Variants in SIRT1 observed in about 807,000 individuals in gnomAD.
SIRT1 encodes the protein NAD-dependent protein deacetylase sirtuin-1.
SIRT1 carries 24 observed loss-of-function variants against 67.9 expected under a neutral mutation model. The ratio of observed to expected loss-of-function variants is 0.35; its 90% CI spans 0.26 to 0.50. The LOEUF (loss-of-function observed/expected upper bound fraction) is 0.50, where lower values mean the gene tolerates loss of function less well. Among genes scored for constraint, SIRT1 ranks in the 20% least tolerant of loss-of-function variants. SIRT1 has a pLI of 0.98. For missense variants in SIRT1, 873 were observed against 937.2 expected, an observed-to-expected ratio of 0.93 and a Z score of 0.89; for synonymous variants, 378 against 350.7, an observed-to-expected ratio of 1.08 and a Z score of -0.87.
rs1430302864 is a variant in SIRT1, at chr10:67,889,138, T to C, written c.789+15T>C. 2.5e-6 allele frequency: 4 copies of C among 1,579,292 alleles called. No homozygotes were observed. In the South Asian group the frequency reaches 3.4e-5, roughly 14 times the overall value. ...CTGGAGCTGGGGTATGTAAGACTAG[T>C]ACATGGGGAGGTCGTATATGTATTT... On this transcript the variant is annotated intron_variant, in intron 3 of 8. Transcript: ENST00000212015.
intron 2 of SIRT1, 102 bp downstream of exon 2, chr10:67,887,635 G>A: frequency 2.8e-6 from 2 of 723,566 alleles, no homozygotes; most frequent in Non-Finnish European, 2.3e-6. Context: ...GGAGTGCAAT[G>A]GCGCGATCTC....
At chr10:67,909,192 G>T in intron 6 of SIRT1, 64 bp from the exon 7 acceptor site, 3 of 1,077,388 alleles carry the variant, frequency 2.8e-6, no homozygotes, top group Admixed American at 2.6e-5. Flanking sequence ...TGGAAATGTT[G>T]ACTATTTCTA....
In SIRT1 at chr10:67,895,631, T is replaced by C. The variant is rs572994592; in HGVS notation, c.942+4077T>C. On this transcript the variant is annotated intron_variant, in intron 4 of 8. Coordinates refer to ENST00000212015, the MANE Select transcript of SIRT1 (RefSeq NM_012238.5). Reference sequence around the variant, plus strand: ...ATGAAAAGGAAATATTGGTGAAATTTAGATACTTCAGAAGGAAAGAGAGAC... The same window carrying C: ...ATGAAAAGGAAATATTGGTGAAATTCAGATACTTCAGAAGGAAAGAGAGAC... Among the ~76,000 whole-genome samples the C allele has an allele frequency of 7.9e-5, 12 of 151,510 alleles. No individual in the cohort carries two copies. The East Asian group carries it at 2.3e-3, about 29-fold the overall frequency.
intron 8 of SIRT1, among the ~76,000 whole-genome samples, chr10:67,914,782 A>G (rs892118777): frequency 1.1e-4 from 16 of 149,130 alleles, no homozygotes; most frequent in African/African-American, 4.0e-4. Context: ...ATCTCGGTTC[A>G]CGGCAACCTC....
rs534168657 is a variant in SIRT1 at position 67,887,640 on chromosome 10, G to C, written c.547+107G>C. 8 of 671,826 alleles carry C rather than the reference G, an allele frequency of 1.2e-5. No homozygotes were observed. The East Asian group carries it at 1.5e-4, about 13-fold the overall frequency. 41.6% of individuals were successfully genotyped at this position (671,826 alleles called of 1,614,324 possible). On this transcript the variant is annotated intron_variant, in intron 2 of 8. Coordinates refer to ENST00000212015, the MANE Select transcript of SIRT1 (RefSeq NM_012238.5). ...TGCGGAGGCTGGAGTGCAATGGCGC[G>C]ATCTCGGCTCACCGTACCCTCCGCC...
At position 67,887,423 on chromosome 10, in the gene SIRT1, T is replaced by C. The variant is rs772106776; in HGVS notation, c.437T>C (p.Leu146Pro). The C allele has an allele frequency of 2.5e-6, 4 of 1,611,248 alleles. No individual in the cohort carries two copies. Among genetic ancestry groups the C allele is most frequent in the Non-Finnish European group, 3.4e-6 (4 of 1,177,676 alleles). The change falls in exon 2 of 9, where the codon CTT (leucine) becomes CCT (proline). Residue 146 changes from leucine to proline, a missense_variant. Physicochemically the swap from Leu to Pro is moderately conservative, Grantham distance 98 (BLOSUM62 -3). This residue lies in a region of SIRT1 where 327 missense variants were observed against 283.9 expected (regional missense o/e 1.15). Transcript: ENST00000212015. Reference sequence around the variant, plus strand: ...GACTTGGTTTCTTTTGCAGATAACCTTCTGTTCGGTGATGAAATTATCACT... The same window carrying C: ...GACTTGGTTTCTTTTGCAGATAACCCTCTGTTCGGTGATGAAATTATCACT... ...AAAAIGYRDN[L>P]LFGDEIITNG...
intron 4 of SIRT1, among the ~76,000 whole-genome samples, chr10:67,894,121 A>C (rs1430286022): frequency 1.3e-5 from 2 of 151,942 alleles, no homozygotes; most frequent in East Asian, 3.9e-4. Flanking sequence ...ACACCCCTCC[A>C]CCCCATGTAA....
At position 67,885,994 on chromosome 10, in the gene SIRT1, G is replaced by T. The variant is rs553545747; in HGVS notation, c.430+843G>T. On this transcript the variant is annotated intron_variant, in intron 1 of 8. Transcript: ENST00000212015. ...CGGAGTCTCGCTCTGTCGCTAGGCT[G>T]GAGTGCAGTGGCGCGATCTCGGCTC... Among the ~76,000 whole-genome samples the T allele has an allele frequency of 6.7e-5, 9 of 134,650 alleles. No individual in the cohort carries two copies. In the East Asian group the frequency reaches 2.1e-3, roughly 32 times the overall value. 88.3% of individuals were successfully genotyped at this position (134,650 alleles called of 152,430 possible). A position where few individuals can be genotyped will look rare whatever the true frequency, so the allele number is the denominator to read the frequency against.
At chr10:67,886,683 GTTTA>G (rs760645560) in intron 1 of SIRT1, among the ~76,000 whole-genome samples, 37 of 151,900 alleles carry the variant, frequency 2.4e-4, no homozygotes, top group South Asian at 1.2e-3. Context: ...TATTAATACT[GTTTA>G]TTTAATAGAG....
At chr10:67,900,437 G>A (rs1011453933) in intron 4 of SIRT1, among the ~76,000 whole-genome samples, 5 of 151,956 alleles carry the variant, frequency 3.3e-5, no homozygotes, top group Non-Finnish European at 5.9e-5. Context: ...GAGCCGCCGC[G>A]CTTGGCTCAA....
intron 1 of SIRT1, 49 bp downstream of exon 1, chr10:67,885,200 C>T (rs1330171880): frequency 5.4e-6 from 7 of 1,294,900 alleles, no homozygotes; most frequent in African/African-American, 3.1e-5. Context: ...CCTCCCTCTC[C>T]CCGGGCTCCT....
rs199593180 is a variant in SIRT1, at chr10:67,909,388, C to G, written c.1303C>G (p.Leu435Val). The G allele has an allele frequency of 1.2e-6, 2 of 1,613,442 alleles. No individual in the cohort carries two copies. The highest frequency in any genetic ancestry group is 2.2e-5 in the East Asian group (1 of 44,854). ...AMKYDKDEVD[L>V]LIVIGSSLKV... ...GAAGTATGACAAAGATGAAGTTGAC[C>G]TCCTCATTGTTATTGGGTCTTCCCT... Residue 435 changes from leucine to valine, a missense_variant, in exon 7 of 9, where the codon CTC becomes GTC. Coordinates refer to ENST00000212015, the MANE Select transcript of SIRT1 (RefSeq NM_012238.5).
intron 7 of SIRT1, among the ~76,000 whole-genome samples, chr10:67,911,108 A>C (rs1011195234): frequency 1.3e-5 from 2 of 152,238 alleles, no homozygotes; most frequent in African/African-American, 4.8e-5. Context: ...TTTGCAATTA[A>C]ATGAAACATG....
intron 3 of SIRT1, among the ~76,000 whole-genome samples, chr10:67,891,045 A>G (rs1211054574): frequency 7.1e-6 from 1 of 140,132 alleles, no homozygotes; most frequent in Non-Finnish European, 1.6e-5. Context: ...AAAAAAAAAC[A>G]AAAAAAAAAA....
intron 4 of SIRT1, among the ~76,000 whole-genome samples, chr10:67,905,773 C>G (rs1012066617): frequency 1.3e-5 from 2 of 152,138 alleles, no homozygotes; most frequent in African/African-American, 4.8e-5. Flanking sequence ...GTTACACATA[C>G]TGGTGACTAA....
Position 67,916,278 on chromosome 10 carries a change from G to C in SIRT1, c.1929G>C (p.Leu643=). ...ISRRLDGNQY[L]FLPPNRYIFH... The stretch of plus-strand genomic sequence containing the variant: ...ACTGTATTTCAGGTAATCAGTATCT[G>C]TTTTTGCCACCAAATCGTTACATTT... The change falls in exon 9 of 9, where the codon CTG becomes CTC. Residue 643 remains leucine, a synonymous_variant. Coordinates refer to ENST00000212015, the MANE Select transcript of SIRT1 (RefSeq NM_012238.5). 1.9e-6 allele frequency: 3 copies of C among 1,599,142 alleles called. No homozygotes were observed. Among genetic ancestry groups the C allele is most frequent in the Non-Finnish European group, 2.6e-6 (3 of 1,167,720 alleles).
intron 5 of SIRT1, among the ~76,000 whole-genome samples, chr10:67,907,722 C>T (rs1842842861): frequency 6.6e-6 from 1 of 152,044 alleles, no homozygotes; most frequent in Admixed American, 6.6e-5. Flanking sequence ...TCCAACTCTG[C>T]AGGATTTTAG....
chr10:67,888,766 G>T, intron 2 of SIRT1, 116 bp from the exon 3 acceptor site: 2 of 1,111,614 alleles, frequency 1.8e-6, no homozygotes, highest in South Asian at 1.7e-5. Flanking sequence ...CCATTAAATT[G>T]CATTTTCTTA....
At chr10:67,886,429 C>G (rs1211588852) in intron 1 of SIRT1, among the ~76,000 whole-genome samples, 1 of 151,594 alleles carries the variant, frequency 6.6e-6, no homozygotes, top group East Asian at 1.9e-4. Flanking sequence ...CTCCTCTCTA[C>G]TAAAAGTAAA....
Sources: allele counts gnomAD v4.1 joint callset (sites outside exome capture counted in the v4.1 genomes callset), GRCh38; gene constraint gnomAD v4.1.1; regional missense constraint gnomAD v4.1.1; transcripts MANE v1.5; gene names NCBI Gene and HGNC (gene_info 2026-07-23, HGNC 2026-07-21).